The following EYS variants were observed in gnomAD, a reference collection of about 807,000 sequenced individuals.
EYS encodes the protein EGF-like photoreceptor maintenance factor, also known as protein eyes shut homolog.
A neutral mutation model predicts 282.1 loss-of-function variants in EYS; 250 were observed. The observed-to-expected ratio is 0.89, with a 90% CI of 0.80 to 0.98. The LOEUF is 0.98. Ranked by LOEUF, EYS falls within the 50% of genes least tolerant of loss-of-function variation. The probability of loss-of-function intolerance (pLI) is 0.00; values close to 1 mark genes in which losing one functional copy is unlikely to be tolerated. For missense variants in EYS, 4,016 were observed against 3,709.0 expected (o/e 1.08, Z -2.15); for synonymous variants, 1,355 against 1,282.9 (o/e 1.06, Z -1.20).
At chr6:64,423,295 T>C (rs1774295858) in intron 28 of EYS, among the ~76,000 whole-genome samples, 1 of 152,252 alleles carries the variant, frequency 6.6e-6, no homozygotes, top group Admixed American at 6.5e-5. Context: ...GCTATACAGA[T>C]TAATTTGAAA....
chr6:65,564,852 G>A (rs1041377144), intron 2 of EYS, among the ~76,000 whole-genome samples: 1 of 152,028 alleles, frequency 6.6e-6, no homozygotes, highest in African/African-American at 2.4e-5. Flanking sequence ...CCCACAGAAT[G>A]GGAGAAATTT....
At chr6:64,260,411 C>T (rs754171715) in intron 30 of EYS, among the ~76,000 whole-genome samples, 1 of 152,064 alleles carries the variant, frequency 6.6e-6, no homozygotes, top group African/African-American at 2.4e-5. Flanking sequence ...GGTACACCCA[C>T]TAGTTTTCCA....
intron 34 of EYS, among the ~76,000 whole-genome samples, chr6:63,998,218 A>G (rs1402797610): frequency 1.3e-5 from 2 of 152,166 alleles, no homozygotes. Context: ...TCAGCTGTAG[A>G]AAAGAGATAA....
chr6:65,238,535 T>C (rs756857339), intron 12 of EYS, among the ~76,000 whole-genome samples: 112 of 152,140 alleles, frequency 7.4e-4, no homozygotes, highest in Admixed American at 1.3e-3. Flanking sequence ...TAGAAGTTAA[T>C]GCCTTTTCTA....
intron 2 of EYS, among the ~76,000 whole-genome samples, chr6:65,627,737 G>A (rs530288556): frequency 5.9e-5 from 9 of 152,316 alleles, no homozygotes; most frequent in South Asian, 2.1e-4. Flanking sequence ...CCAGCCCACC[G>A]ATGCTGCGCT....
At position 65,339,745 on chromosome 6, in the gene EYS, A is replaced by C. The variant is rs892797456; in HGVS notation, c.1599+4293T>G. ...TTTGCAAAGATTTTGCTCTGTGAGT[A>C]GGCCTTCTGTAGAGTACACAGGGAA... On this transcript the variant is annotated intron_variant, in intron 10 of 42. Coordinates refer to ENST00000503581, the MANE Select transcript of EYS (RefSeq NM_001142800.2). Among the ~76,000 whole-genome samples the C allele has an allele frequency of 3.3e-5, 5 of 151,174 alleles. No individual in the cohort carries two copies. The Admixed American group carries it at 3.3e-4, about 10-fold the overall frequency.
At chr6:65,231,704 T>A (rs1029220321) in intron 12 of EYS, among the ~76,000 whole-genome samples, 2 of 152,038 alleles carry the variant, frequency 1.3e-5, no homozygotes, top group East Asian at 3.9e-4. Flanking sequence ...TTGATAGATA[T>A]CCTCTTAGTG....
chr6:64,686,897 ATG>A lies in EYS; in HGVS notation c.3444-60654_3444-60653del, dbSNP rs1770161916. On this transcript the variant is annotated intron_variant, in intron 22 of 42. Coordinates refer to ENST00000503581, the MANE Select transcript of EYS (RefSeq NM_001142800.2). ...TATATATATATACACACACATATAT[ATG>A]TGTATATATATACACACATATATAT... 2.8e-4 allele frequency among the ~76,000 whole-genome samples: 8 copies of A among 28,424 alleles called. 3 individuals are homozygous for A. Among genetic ancestry groups the A allele is most frequent in the Non-Finnish European group, 8.0e-4 (8 of 9,960 alleles). 18.6% of individuals were successfully genotyped at this position (28,424 alleles called of 152,430 possible). A position where few individuals can be genotyped will look rare whatever the true frequency, so the allele number is the denominator to read the frequency against.
chr6:64,389,587 GT>G (rs975994473), intron 28 of EYS, among the ~76,000 whole-genome samples: 5 of 152,064 alleles, frequency 3.3e-5, no homozygotes, highest in African/African-American at 9.7e-5. Flanking sequence ...TAGTCTATGG[GT>G]TTTTTCATAA....
At chr6:64,275,860 G>C (rs1467089480) in intron 30 of EYS, among the ~76,000 whole-genome samples, 7 of 151,876 alleles carry the variant, frequency 4.6e-5, no homozygotes, top group Non-Finnish European at 1.0e-4. Flanking sequence ...AGCTACTTGG[G>C]AGGTTGAGGC....
At chr6:64,051,323 A>T (rs1004656005) in intron 33 of EYS, among the ~76,000 whole-genome samples, 1 of 152,220 alleles carries the variant, frequency 6.6e-6, no homozygotes, top group Non-Finnish European at 1.5e-5. Flanking sequence ...AAGTAGAAAC[A>T]GGAAGATAAA....
chr6:64,760,367 C>T (rs535669826), intron 22 of EYS, among the ~76,000 whole-genome samples: 8 of 152,104 alleles, frequency 5.3e-5, no homozygotes, highest in Middle Eastern at 3.4e-3. Flanking sequence ...GTTCTGTGTC[C>T]CAGAAACCCC....
chr6:64,135,621 A>T (rs1486304516), intron 31 of EYS, among the ~76,000 whole-genome samples: 1 of 152,160 alleles, frequency 6.6e-6, no homozygotes, highest in South Asian at 2.1e-4. Flanking sequence ...CTTCAGACAC[A>T]TTGTAGGTTC....
At chr6:64,908,278 C>T (rs1222030253) in intron 16 of EYS, among the ~76,000 whole-genome samples, 1 of 152,086 alleles carries the variant, frequency 6.6e-6, no homozygotes, top group Middle Eastern at 3.2e-3. Flanking sequence ...TCCACACGGG[C>T]CCCCAGCCTG....
chr6:64,650,313 AGTG>A (rs1452412733), intron 22 of EYS, among the ~76,000 whole-genome samples: 4 of 151,960 alleles, frequency 2.6e-5, no homozygotes, highest in Non-Finnish European at 5.9e-5. Context: ...TATTAATAAA[AGTG>A]GTAACACATT....
intron 5 of EYS, among the ~76,000 whole-genome samples, chr6:65,444,496 G>A (rs1325831634): frequency 6.6e-6 from 1 of 151,998 alleles, no homozygotes; most frequent in African/African-American, 2.4e-5. Context: ...GCAGCTTAGC[G>A]GAAAGGTCAG....
chr6:63,878,460 G>C (rs1204207314), intron 35 of EYS, among the ~76,000 whole-genome samples: 1 of 152,194 alleles, frequency 6.6e-6, no homozygotes, highest in Admixed American at 6.5e-5. Flanking sequence ...TCCATTCTCA[G>C]ATCTCAAACT....
chr6:65,691,139 T>A (rs976695822), intron 1 of EYS, among the ~76,000 whole-genome samples: 15 of 150,266 alleles, frequency 1.0e-4, no homozygotes, highest in African/African-American at 3.4e-4. Flanking sequence ...TGGTTCTAGA[T>A]CCTTGAGAAA....
intron 19 of EYS, among the ~76,000 whole-genome samples, chr6:64,827,781 G>A (rs9363264): frequency 0.15 from 23,171 of 151,752 alleles, 2,023 homozygotes; most frequent in East Asian, 0.44. Flanking sequence ...TAACTATCAT[G>A]TAAAAGATTT....
Sources: gnomAD v4.1 joint callset for allele counts (sites outside exome capture counted in the v4.1 genomes callset) on GRCh38, gnomAD v4.1.1 for gene constraint, MANE v1.5 for transcripts, NCBI Gene and HGNC (gene_info 2026-07-23, HGNC 2026-07-21) for gene names.